Variants in SPOCD1 observed in about 807,000 individuals in gnomAD.
The protein encoded by SPOCD1 is SPOC domain-containing protein 1.
A neutral mutation model predicts 92.2 loss-of-function variants in SPOCD1; 64 were observed. That is an observed-to-expected ratio of 0.69 (90% CI 0.57 to 0.86). The LOEUF (loss-of-function observed/expected upper bound fraction) is 0.86. Among genes scored for constraint, SPOCD1 ranks in the 40% least tolerant of loss-of-function variants. The pLI is 0.00. For synonymous variants in SPOCD1, 578 were observed against 619.3 expected (o/e 0.93, Z 0.99); for missense variants, 1,360 against 1,543.1 (o/e 0.88, Z 1.99).
chr1:31,805,717 CTG>C (rs1170344804), intron 2 of SPOCD1, among the ~76,000 whole-genome samples: 1 of 151,658 alleles, frequency 6.6e-6, no homozygotes, highest in African/African-American at 2.4e-5. Context: ...CAGAGTGAGA[CTG>C]TGTCTCAAAA....
chr1:31,809,635 T>C lies in SPOCD1; in HGVS notation c.1383+4316A>G, dbSNP rs78397987. ...ACTTGGTGCCAACACTTAGGAACTGTGTGATCTTGGGAAAGTTACTTAATC... is the reference window on the plus strand; with the variant it reads ...ACTTGGTGCCAACACTTAGGAACTGCGTGATCTTGGGAAAGTTACTTAATC... On this transcript the variant is annotated intron_variant, in intron 2 of 15. Coordinates refer to ENST00000360482, the MANE Select transcript of SPOCD1 (RefSeq NM_144569.7). Among the ~76,000 whole-genome samples the C allele has an allele frequency of 4.4e-3, 666 of 152,302 alleles. 4 individuals carry two copies. The highest frequency in any genetic ancestry group is 0.037 in the Middle Eastern group (11 of 294).
rs1265201954 is a variant in SPOCD1, at chr1:31,800,432, G to A, written c.1602+9C>T. 3 of 1,563,102 alleles carry A rather than the reference G, an allele frequency of 1.9e-6. No homozygotes were observed. In the Admixed American group the frequency reaches 5.7e-5, roughly 30 times the overall value. On this transcript the variant is annotated intron_variant, in intron 4 of 15. Coordinates refer to ENST00000360482, the MANE Select transcript of SPOCD1 (RefSeq NM_144569.7). ...TCAGCAGGATTAAATGACATCACTT[G>A]TTCTGTACCTGGCACCCAGCAGGGC...
intron 15 of SPOCD1, among the ~76,000 whole-genome samples, chr1:31,791,559 C>T (rs957789475): frequency 6.6e-6 from 1 of 152,234 alleles, no homozygotes; most frequent in Non-Finnish European, 1.5e-5. Context: ...GCGCTTTGCT[C>T]AGGAGTGGGC....
In SPOCD1 at chr1:31,814,689, A is replaced by T. The variant is rs1322144195; in HGVS notation, c.645T>A (p.His215Gln). 1 of 1,586,890 alleles carries T rather than the reference A, an allele frequency of 6.3e-7. No individual in the cohort carries two copies. The highest frequency in any genetic ancestry group is 1.4e-5 in the African/African-American group (1 of 73,962). ...VRKKWRRQGA[H>Q]SECEEGAGDF... ...CACCAGCCCCTTCCTCACACTCTGAATGAGCCCCTTGCCTCCTCCATTTCT... is the reference window on the plus strand; with the variant it reads ...CACCAGCCCCTTCCTCACACTCTGATTGAGCCCCTTGCCTCCTCCATTTCT... Residue 215 changes from histidine (H) to glutamine (Q), a missense_variant, in exon 2 of 16, where the codon CAT becomes CAA. By Grantham distance (24) the His-to-Gln change is conservative. Coordinates refer to ENST00000360482, the MANE Select transcript of SPOCD1 (RefSeq NM_144569.7). This position sits in a 1 kb window ranked among gnomAD's most constrained non-coding sequence, Gnocchi z 4.2.
chr1:31,799,519 T>G (rs1344049887), intron 6 of SPOCD1, 34 bp from the exon 7 acceptor site: 1 of 1,572,826 alleles, frequency 6.4e-7, no homozygotes. Flanking sequence ...CTCCCAGGGG[T>G]GCCCAGGGGA....
At chr1:31,793,244 G>GTT in intron 13 of SPOCD1, 34 bp downstream of exon 13, 1 of 1,567,140 alleles carries the variant, frequency 6.4e-7, no homozygotes, top group South Asian at 1.2e-5. Flanking sequence ...TGGTCAGTGT[G>GTT]TAAGGGAATC....
At chr1:31,799,673 G>T (rs1648296333) in intron 6 of SPOCD1, 136 bp downstream of exon 6, 1 of 1,213,390 alleles carries the variant, frequency 8.2e-7, no homozygotes, top group East Asian at 2.4e-5. Flanking sequence ...CCACCCCTTT[G>T]GGGAGGAGCT....
chr1:31,803,064 C>T (rs1648570851), intron 2 of SPOCD1, among the ~76,000 whole-genome samples: 1 of 151,476 alleles, frequency 6.6e-6, no homozygotes, highest in African/African-American at 2.4e-5. Context: ...CTTCACAGTT[C>T]AAAGCCTTTT....
intron 2 of SPOCD1, among the ~76,000 whole-genome samples, chr1:31,811,584 A>G (rs1649200003): frequency 6.6e-6 from 1 of 152,208 alleles, no homozygotes; most frequent in African/African-American, 2.4e-5. Flanking sequence ...TAAGAGGCAG[A>G]GCTTGACCTT....
At position 31,798,901 on chromosome 1, in the gene SPOCD1, C is replaced by A. The variant is rs115152895; in HGVS notation, c.1869-300G>T. ...CTGTCTGACTCACCAGCCTGTGCCC[C>A]GTCTCTGGCTCACGGGATGTGTGGA... On this transcript the variant is annotated intron_variant, in intron 7 of 15. Transcript: ENST00000360482. The surrounding 1 kb of genome is among the most constrained non-coding windows in gnomAD (Gnocchi z 4.1). The A allele has an allele frequency of 1.2e-3, 699 of 563,712 alleles. 2 individuals are homozygous for A. The highest frequency in any genetic ancestry group is 0.012 in the African/African-American group (643 of 52,922). 34.9% of individuals were successfully genotyped at this position (563,712 alleles called of 1,614,324 possible). A position where few individuals can be genotyped will look rare whatever the true frequency, so the allele number is the denominator to read the frequency against.
chr1:31,791,951 G>T (rs935439765), intron 15 of SPOCD1, among the ~76,000 whole-genome samples: 1 of 152,234 alleles, frequency 6.6e-6, no homozygotes, highest in Non-Finnish European at 1.5e-5. Flanking sequence ...CTATGAGATG[G>T]ACAGTCTAGT....
In SPOCD1 at chr1:31,792,342, C is replaced by T. The variant is rs1467157023; in HGVS notation, c.2835G>A (p.Leu945=). Residue 945 remains leucine, a synonymous_variant, in exon 15 of 16, where the codon CTG becomes CTA. Coordinates refer to ENST00000360482, the MANE Select transcript of SPOCD1 (RefSeq NM_144569.7). The part of the protein sequence containing the change: ...HGARDTQNCR[L]LYSYLNDRQR... The stretch of plus-strand genomic sequence containing the variant: ...GCCTATCATTGAGGTATGAGTAGAG[C>T]AGGCGGCAGTTCTGGGTGTCCCGGG... 1.2e-6 allele frequency: 2 copies of T among 1,614,046 alleles called. No homozygotes were observed. Among genetic ancestry groups the T allele is most frequent in the Non-Finnish European group, 1.7e-6 (2 of 1,180,026 alleles).
chr1:31,803,040 T>G (rs12742765), intron 2 of SPOCD1, among the ~76,000 whole-genome samples: 1 of 48,126 alleles, frequency 2.1e-5, no homozygotes. Context: ...GTGGGAAGAA[T>G]ATCAAGACCA....
intron 2 of SPOCD1, among the ~76,000 whole-genome samples, chr1:31,808,078 T>C (rs1262385029): frequency 1.3e-5 from 2 of 152,062 alleles, no homozygotes; most frequent in Admixed American, 1.3e-4. Flanking sequence ...GAACAAATAA[T>C]TCCAATCTTA....
intron 2 of SPOCD1, among the ~76,000 whole-genome samples, chr1:31,804,666 A>G (rs1286643514): frequency 7.3e-6 from 1 of 136,752 alleles, no homozygotes; most frequent in Non-Finnish European, 1.6e-5. Flanking sequence ...CTGAGGCAGA[A>G]GGAAGGAAAA....
At chr1:31,803,131 C>CA (rs1275181852) in intron 2 of SPOCD1, among the ~76,000 whole-genome samples, 1 of 151,962 alleles carries the variant, frequency 6.6e-6, no homozygotes, top group African/African-American at 2.4e-5. Context: ...AAACAACAGG[C>CA]AGGAGAATGA....
chr1:31,815,120 C>A lies in SPOCD1; in HGVS notation c.214G>T (p.Ala72Ser), dbSNP rs1303843944. ...GGCCGGACCTCAGCAGCACCTGCAGCCCGGGAGCTGCCACCTCGAAGGGCC... is the reference window on the plus strand; with the variant it reads ...GGCCGGACCTCAGCAGCACCTGCAGACCGGGAGCTGCCACCTCGAAGGGCC... ...KEALRGGSSR[A>S]AGAAEVRPGV... The change falls in exon 2 of 16, where the codon GCT (alanine) becomes TCT (serine). Residue 72 changes from alanine (A) to serine (S), a missense_variant. Transcript: ENST00000360482. The A allele has an allele frequency of 6.2e-7, 1 of 1,609,672 alleles. No homozygotes were observed. The highest frequency in any genetic ancestry group is 1.7e-5 in the Admixed American group (1 of 59,944).
At chr1:31,796,253 A>T (rs1038275166) in intron 10 of SPOCD1, 4 of 403,922 alleles carry the variant, frequency 9.9e-6, no homozygotes, top group African/African-American at 8.2e-5. Flanking sequence ...CACTGCCTGG[A>T]ACAGCGCAGC....
intron 10 of SPOCD1, chr1:31,796,068 C>A: frequency 9.5e-6 from 2 of 210,036 alleles, no homozygotes; most frequent in Non-Finnish European, 1.9e-5. Context: ...GGAGCAGATC[C>A]TCAGCGCCAA....
Sources: allele counts gnomAD v4.1 joint callset (sites outside exome capture counted in the v4.1 genomes callset), GRCh38; gene constraint gnomAD v4.1.1; non-coding constraint Gnocchi (gnomAD v3.1); transcripts MANE v1.5; gene names NCBI Gene and HGNC (gene_info 2026-07-23, HGNC 2026-07-21).